The following CES5A variants were observed in gnomAD, a reference collection of about 807,000 sequenced individuals.
CES5A encodes carboxylesterase 5.
Under a neutral mutation model 62.9 loss-of-function variants are expected in CES5A, and 67 were observed. The ratio of observed to expected loss-of-function variants is 1.07; its 90% CI spans 0.88 to 1.31. CES5A has a LOEUF of 1.31. Among genes scored for constraint, CES5A ranks in the 50% most tolerant of loss-of-function variants. The probability of loss-of-function intolerance (pLI) is 0.00; values close to 1 mark genes in which losing one functional copy is unlikely to be tolerated. For synonymous variants in CES5A, 296 were observed against 280.8 expected, an observed-to-expected ratio of 1.05 and a Z score of -0.54; for missense variants, 748 against 708.5, an observed-to-expected ratio of 1.06 and a Z score of -0.63.
chr16:55,855,583 G>A (rs561699429), intron 9 of CES5A, among the ~76,000 whole-genome samples: 10 of 152,332 alleles, frequency 6.6e-5, no homozygotes, highest in East Asian at 5.8e-4. Flanking sequence ...CCTATGCTGC[G>A]TGTTATGACA....
At chr16:55,949,837 T>G in exon 2 of CES5A, 1 of 1,526,812 alleles carries the variant, frequency 6.5e-7, no homozygotes, top group East Asian at 2.5e-5. Flanking sequence ...CATACAAAGT[T>G]GAGGAGGCTG....
chr16:55,864,970 C>T (rs2033426700), intron 5 of CES5A, among the ~76,000 whole-genome samples: 1 of 151,912 alleles, frequency 6.6e-6, no homozygotes, highest in South Asian at 2.1e-4. Flanking sequence ...ACTTTGGGAA[C>T]CCAAGGTGGG....
At chr16:55,901,538 C>T (rs1177126123) in intron 1 of CES5A, among the ~76,000 whole-genome samples, 1 of 152,208 alleles carries the variant, frequency 6.6e-6, no homozygotes, top group Non-Finnish European at 1.5e-5. Context: ...GTTTGGGAAG[C>T]AAATTCCCCA....
intron 3 of CES5A, among the ~76,000 whole-genome samples, chr16:55,870,038 T>C (rs1426821882): frequency 1.3e-5 from 2 of 152,208 alleles, no homozygotes; most frequent in Admixed American, 6.5e-5. Context: ...ATCTCACTTA[T>C]GAAGTTATCA....
chr16:55,871,789 T>C (rs751560300), intron 2 of CES5A, 26 bp from the exon 3 acceptor site: 13 of 1,610,700 alleles, frequency 8.1e-6, no homozygotes, highest in Non-Finnish European at 1.1e-5. Context: ...GAGAAAACCC[T>C]CAGAAAAAGT....
At chr16:55,883,695 C>T (rs776298546) in intron 1 of CES5A, among the ~76,000 whole-genome samples, 1 of 152,190 alleles carries the variant, frequency 6.6e-6, no homozygotes, top group Admixed American at 6.5e-5. Flanking sequence ...TGGCTTCTGG[C>T]AGTTTCAGAG....
chr16:55,942,092 G>A (rs1337216994), intron 2 of CES5A, among the ~76,000 whole-genome samples: 1 of 151,972 alleles, frequency 6.6e-6, no homozygotes, highest in Non-Finnish European at 1.5e-5. Context: ...ACAGATCATA[G>A]ACCTAAGCAT....
intron 2 of CES5A, chr16:55,944,438 T>TC (rs1265261671): frequency 1.3e-5 from 3 of 236,912 alleles, no homozygotes; most frequent in Admixed American, 4.8e-5. Flanking sequence ...CAACCTTTTT[T>TC]CCCCATCCCT....
At chr16:55,896,113 C>T (rs183872604) in intron 1 of CES5A, among the ~76,000 whole-genome samples, 164 of 152,302 alleles carry the variant, frequency 1.1e-3, no homozygotes, top group Non-Finnish European at 1.9e-3. Flanking sequence ...GGAGGCCTCA[C>T]AATCATGGTA....
intron 1 of CES5A, among the ~76,000 whole-genome samples, chr16:55,888,050 G>A (rs1401014542): frequency 6.6e-6 from 1 of 152,142 alleles, no homozygotes; most frequent in Non-Finnish European, 1.5e-5. Context: ...GCACAGAAGG[G>A]CTGTGTCCTG....
chr16:55,869,884 G>A (rs2033547880), intron 3 of CES5A, 140 bp from the exon 4 acceptor site: 2 of 1,233,116 alleles, frequency 1.6e-6, no homozygotes, highest in African/African-American at 3.1e-5. Flanking sequence ...ATTTGAAGAA[G>A]GCCCAGGGTT....
chr16:55,875,787 A>G (rs1332511683), upstream of CES5A, among the ~76,000 whole-genome samples: 10 of 152,100 alleles, frequency 6.6e-5, no homozygotes, highest in African/African-American at 2.2e-4. Context: ...CTTCGATTAT[A>G]TTATTTCCCC....
intron 2 of CES5A, among the ~76,000 whole-genome samples, chr16:55,931,945 C>T (rs929348357): frequency 6.6e-6 from 1 of 152,158 alleles, no homozygotes; most frequent in East Asian, 1.9e-4. Context: ...ATGTTGAAAC[C>T]CAATCACCAA....
At chr16:55,949,847 G>C in exon 2 of CES5A, 1 of 1,523,624 alleles carries the variant, frequency 6.6e-7, no homozygotes, top group African/African-American at 1.4e-5. Context: ...TGAGGAGGCT[G>C]GATAAAAATA....
chr16:55,867,879 A>G (rs1175288298), intron 4 of CES5A, among the ~76,000 whole-genome samples: 1 of 152,208 alleles, frequency 6.6e-6, no homozygotes, highest in East Asian at 1.9e-4. Flanking sequence ...CGTTATATAC[A>G]TGTTAGCTAT....
intron 1 of CES5A, among the ~76,000 whole-genome samples, chr16:55,914,203 C>G (rs2142452995): frequency 6.6e-6 from 1 of 152,320 alleles, no homozygotes; most frequent in Non-Finnish European, 1.5e-5. Context: ...CCCTTAATAT[C>G]ACTTTTGTTC....
At chr16:55,940,956 T>TAA (rs138356809) in intron 2 of CES5A, among the ~76,000 whole-genome samples, 2 of 147,386 alleles carry the variant, frequency 1.4e-5, no homozygotes, top group Admixed American at 1.4e-4. Flanking sequence ...CAATTCATGA[T>TAA]AAAAAAAAAA....
intron 11 of CES5A, among the ~76,000 whole-genome samples, chr16:55,848,313 C>A (rs907262618): frequency 3.3e-5 from 5 of 151,754 alleles, no homozygotes; most frequent in African/African-American, 4.8e-5. Flanking sequence ...GAGAGGGGGT[C>A]TTACTATGTT....
chr16:55,930,883 T>C (rs911131199), intron 2 of CES5A, among the ~76,000 whole-genome samples: 4 of 152,078 alleles, frequency 2.6e-5, no homozygotes, highest in Non-Finnish European at 4.4e-5. Flanking sequence ...AGGAGATGCA[T>C]AAGAGCCATT....
Sources: gnomAD v4.1 joint callset for allele counts (sites outside exome capture counted in the v4.1 genomes callset) on GRCh38, gnomAD v4.1.1 for gene constraint, MANE v1.5 for transcripts, NCBI Gene and HGNC (gene_info 2026-07-23, HGNC 2026-07-21) for gene names.